Variants in AP2B1 observed in about 807,000 individuals in gnomAD.
AP2B1 encodes adaptor related protein complex 2 subunit beta 1, also known as AP-2 complex subunit beta.
In AP2B1, 23 loss-of-function variants were observed where a neutral mutation model predicts 102.0. That is an observed-to-expected ratio of 0.23 (90% CI 0.16 to 0.32). AP2B1 has a LOEUF of 0.32. Ranked by LOEUF, AP2B1 falls within the 10% of genes least tolerant of loss-of-function variation. The probability of loss-of-function intolerance (pLI) is 1.00; values close to 1 mark genes in which losing one functional copy is unlikely to be tolerated. For synonymous variants in AP2B1, 381 were observed against 421.2 expected (o/e 0.90, Z 1.17); for missense variants, 541 against 1,157.4 (o/e 0.47, Z 7.73).
intron 2 of AP2B1, 97 bp from the exon 3 acceptor site, chr17:35,598,133 C>CA: frequency 2.0e-6 from 1 of 508,872 alleles, no homozygotes; most frequent in Non-Finnish European, 3.4e-6. Context: ...ATTTTAGTTG[C>CA]TGCCCTGCTA....
intron 21 of AP2B1, among the ~76,000 whole-genome samples, chr17:35,721,037 G>A (rs1483040475): frequency 6.6e-6 from 1 of 152,070 alleles, no homozygotes; most frequent in Non-Finnish European, 1.5e-5. Context: ...AATCTGATCT[G>A]AGCTAAGTAT....
At chr17:35,591,171 C>CAAAA (rs35271211) in intron 1 of AP2B1, among the ~76,000 whole-genome samples, 2 of 68,922 alleles carry the variant, frequency 2.9e-5, no homozygotes, top group African/African-American at 5.3e-5. Context: ...GATTTTGTCT[C>CAAAA]AAAAAAAAAA....
At chr17:35,633,383 A>G (rs540013579) in intron 9 of AP2B1, among the ~76,000 whole-genome samples, 1 of 152,110 alleles carries the variant, frequency 6.6e-6, no homozygotes, top group Admixed American at 6.6e-5. Context: ...AGACTGCAGA[A>G]TCATTTCATG....
chr17:35,610,800 AG>A (rs1567804531), intron 5 of AP2B1, among the ~76,000 whole-genome samples: 1 of 151,638 alleles, frequency 6.6e-6, no homozygotes, highest in Non-Finnish European at 1.5e-5. Context: ...CCAGCTACTC[AG>A]GAGGCCGAGG....
intron 14 of AP2B1, among the ~76,000 whole-genome samples, chr17:35,665,529 T>C (rs1233207218): frequency 6.6e-6 from 1 of 152,212 alleles, no homozygotes; most frequent in African/African-American, 2.4e-5. Flanking sequence ...TAAACTCTGT[T>C]AGAAAGACAC....
intron 2 of AP2B1, 71 bp downstream of exon 2, chr17:35,594,138 A>AT (rs1195225721): frequency 7.4e-6 from 8 of 1,080,416 alleles, no homozygotes; most frequent in Non-Finnish European, 1.1e-5. Context: ...CCCAGGCAGA[A>AT]TGCTGCTGAC....
chr17:35,686,045 G>A (rs774704745), intron 18 of AP2B1, among the ~76,000 whole-genome samples: 1 of 152,220 alleles, frequency 6.6e-6, no homozygotes, highest in Non-Finnish European at 1.5e-5. Context: ...TTACAGGCGT[G>A]AGCTGCCATG....
intron 14 of AP2B1, among the ~76,000 whole-genome samples, chr17:35,659,440 C>T (rs1414710306): frequency 6.6e-6 from 1 of 152,206 alleles, no homozygotes; most frequent in Admixed American, 6.5e-5. Context: ...TGTATTAGCT[C>T]ATGCCAACTC....
At chr17:35,594,944 C>T (rs1397263152) in intron 2 of AP2B1, among the ~76,000 whole-genome samples, 2 of 152,242 alleles carry the variant, frequency 1.3e-5, no homozygotes, top group Non-Finnish European at 2.9e-5. Flanking sequence ...TTTAGCCCAT[C>T]TCAGCTTATT....
At chr17:35,611,705 T>C (rs2073871248) in intron 5 of AP2B1, among the ~76,000 whole-genome samples, 1 of 152,162 alleles carries the variant, frequency 6.6e-6, no homozygotes, top group Non-Finnish European at 1.5e-5. Context: ...CTTCAAACAT[T>C]CAAAATTAGG....
At chr17:35,680,218 TTTAG>T (rs1303266792) in intron 17 of AP2B1, among the ~76,000 whole-genome samples, 1 of 152,100 alleles carries the variant, frequency 6.6e-6, no homozygotes, top group East Asian at 1.9e-4. Flanking sequence ...GTATAAACTC[TTTAG>T]TTAATTTTAT....
chr17:35,631,283 A>G (rs2074453045), intron 9 of AP2B1, among the ~76,000 whole-genome samples: 1 of 152,134 alleles, frequency 6.6e-6, no homozygotes, highest in Non-Finnish European at 1.5e-5. Flanking sequence ...TTAGAATAAA[A>G]TATTGGTTTG....
chr17:35,617,431 A>C (rs1312243785), intron 5 of AP2B1, among the ~76,000 whole-genome samples: 1 of 152,220 alleles, frequency 6.6e-6, no homozygotes, highest in Non-Finnish European at 1.5e-5. Context: ...TTAGTATTTC[A>C]GTGGCAAAAT....
At chr17:35,691,255 A>G (rs587754510) in intron 18 of AP2B1, among the ~76,000 whole-genome samples, 1 of 152,304 alleles carries the variant, frequency 6.6e-6, no homozygotes, top group South Asian at 2.1e-4. Flanking sequence ...TTTTGCTGGT[A>G]TATGGCTCTG....
intron 18 of AP2B1, 50 bp from the exon 19 acceptor site, chr17:35,709,174 T>A: frequency 6.6e-7 from 1 of 1,519,876 alleles, no homozygotes; most frequent in Non-Finnish European, 9.1e-7. Flanking sequence ...CTTTTCCTCC[T>A]ACCTGGCTCC....
intron 5 of AP2B1, among the ~76,000 whole-genome samples, chr17:35,616,802 T>C (rs1191624102): frequency 6.6e-6 from 1 of 152,192 alleles, no homozygotes; most frequent in African/African-American, 2.4e-5. Flanking sequence ...TGAAATGGCA[T>C]TTTTCATCCA....
chr17:35,648,743 A>AATGT (rs2075008037), intron 12 of AP2B1, among the ~76,000 whole-genome samples: 1 of 148,590 alleles, frequency 6.7e-6, no homozygotes, highest in South Asian at 2.1e-4. Context: ...ATATGAAATA[A>AATGT]GTGTGTGTGT....
In AP2B1 at chr17:35,627,682, C is replaced by A. The variant is rs1404738425; in HGVS notation, c.1111C>A (p.Arg371=). 1 of 1,613,978 alleles carries A rather than the reference C, an allele frequency of 6.2e-7. No individual in the cohort carries two copies. Among genetic ancestry groups the A allele is most frequent in the East Asian group, 2.2e-5 (1 of 44,876 alleles). The part of the protein sequence containing the change: ...YATEVDVDFV[R]KAVRAIGRCA... ...TACAGAGGTGGATGTTGACTTTGTT[C>A]GAAAAGCTGTGCGGGCCATTGGACG... The change falls in exon 9 of 22, where the codon CGA becomes AGA. Residue 371 remains arginine (R), a synonymous_variant. Coordinates refer to ENST00000610402, the MANE Select transcript of AP2B1 (RefSeq NM_001030006.2).
intron 9 of AP2B1, among the ~76,000 whole-genome samples, chr17:35,632,520 C>T (rs547165316): frequency 6.6e-6 from 1 of 152,244 alleles, no homozygotes; most frequent in South Asian, 2.1e-4. Flanking sequence ...AATACCAGAA[C>T]AAATTGTTCT....
Sources: gnomAD v4.1 joint callset for allele counts (sites outside exome capture counted in the v4.1 genomes callset) on GRCh38, gnomAD v4.1.1 for gene constraint, MANE v1.5 for transcripts, NCBI Gene and HGNC (gene_info 2026-07-23, HGNC 2026-07-21) for gene names.